The following ANK3 variants were observed in gnomAD, a reference collection of about 807,000 sequenced individuals.
The protein encoded by ANK3 is ankyrin-3.
A neutral mutation model predicts 370.9 loss-of-function variants in ANK3; 57 were observed. That is an observed-to-expected ratio of 0.15 (90% CI 0.12 to 0.19). The LOEUF (loss-of-function observed/expected upper bound fraction) is 0.19, where lower values mean the gene tolerates loss of function less well. Ranked by LOEUF, ANK3 falls within the 10% of genes least tolerant of loss-of-function variation. The pLI, the probability that ANK3 is intolerant of heterozygous loss-of-function variation, is 1.00. For missense variants in ANK3, 4,439 were observed against 5,302.1 expected, an observed-to-expected ratio of 0.84 and a Z score of 5.06; for synonymous variants, 1,929 against 1,946.3, an observed-to-expected ratio of 0.99 and a Z score of 0.23.
At chr10:60,405,167 A>C (rs2063427947) in intron 2 of ANK3, among the ~76,000 whole-genome samples, 1 of 152,170 alleles carries the variant, frequency 6.6e-6, no homozygotes, top group African/African-American at 2.4e-5. Flanking sequence ...TAGCAATTCC[A>C]CATCTAGATG....
intron 2 of ANK3, among the ~76,000 whole-genome samples, chr10:60,395,344 A>T (rs1416446048): frequency 6.6e-6 from 1 of 152,208 alleles, no homozygotes; most frequent in African/African-American, 2.4e-5. Flanking sequence ...AATTAATTTC[A>T]CTTTCTTAAA....
At chr10:60,292,279 T>G (rs1413639988) in intron 1 of ANK3, among the ~76,000 whole-genome samples, 3 of 152,166 alleles carry the variant, frequency 2.0e-5, no homozygotes, top group African/African-American at 7.2e-5. Context: ...CAGACTATTT[T>G]GAAACCTCCT....
intron 2 of ANK3, among the ~76,000 whole-genome samples, chr10:60,482,237 T>C (rs1009152122): frequency 6.6e-6 from 1 of 152,190 alleles, no homozygotes; most frequent in Non-Finnish European, 1.5e-5. Context: ...GCATTGGACC[T>C]GAAGCATCTG....
intron 4 of ANK3, among the ~76,000 whole-genome samples, chr10:60,278,527 T>A (rs543853451): frequency 6.6e-6 from 1 of 152,148 alleles, no homozygotes; most frequent in African/African-American, 2.4e-5. Context: ...GACACCATGA[T>A]GCCAGGCTAA....
At chr10:60,127,243 G>A (rs2093809812) in intron 25 of ANK3, among the ~76,000 whole-genome samples, 1 of 152,186 alleles carries the variant, frequency 6.6e-6, no homozygotes. Context: ...CTGTAATCCA[G>A]GAGATAGGAA....
At chr10:60,175,553 G>T (rs1158131572) in intron 18 of ANK3, among the ~76,000 whole-genome samples, 1 of 152,198 alleles carries the variant, frequency 6.6e-6, no homozygotes, top group Non-Finnish European at 1.5e-5. Context: ...AGCTGATTAG[G>T]TTTTTCCTTC....
chr10:60,537,025 G>C (rs1421129140), intron 2 of ANK3, among the ~76,000 whole-genome samples: 2 of 151,936 alleles, frequency 1.3e-5, no homozygotes, highest in African/African-American at 4.8e-5. Flanking sequence ...CCAACAGCCA[G>C]AAATTGCTAC....
At chr10:60,499,632 C>T (rs1323564310) in intron 2 of ANK3, among the ~76,000 whole-genome samples, 1 of 152,188 alleles carries the variant, frequency 6.6e-6, no homozygotes, top group Non-Finnish European at 1.5e-5. Flanking sequence ...ATGGGTGCAT[C>T]TTCCCATTCC....
At chr10:60,295,342 A>C (rs1316356833) in intron 1 of ANK3, among the ~76,000 whole-genome samples, 1 of 152,228 alleles carries the variant, frequency 6.6e-6, no homozygotes, top group African/African-American at 2.4e-5. Context: ...ATTAGCAGTA[A>C]AATTTAACTC....
chr10:60,266,090 C>T (rs2097873512), intron 5 of ANK3, among the ~76,000 whole-genome samples: 1 of 151,992 alleles, frequency 6.6e-6, no homozygotes, highest in Non-Finnish European at 1.5e-5. Context: ...AATAACATAA[C>T]CAAAACAACT....
At position 60,081,788 on chromosome 10, in the gene ANK3, T is replaced by C. The variant is rs940231407; in HGVS notation, c.4350+362A>G. ...TATCTCAGTTGACTGTTCTCGTCAG[T>C]CATAGATAGAACTTCCTGGTCCTAC... On this transcript the variant is annotated intron_variant, in intron 35 of 43. Transcript: ENST00000280772. The C allele has an allele frequency of 6.9e-5, 17 of 244,714 alleles. 1 individual carries two copies. The South Asian group carries it at 8.2e-4, about 12-fold the overall frequency. The allele number at this position is 244,714 out of a possible 1,614,324, so 15.2% of individuals were successfully genotyped here.
chr10:60,162,280 C>T (rs546879216), intron 23 of ANK3, among the ~76,000 whole-genome samples: 1 of 152,256 alleles, frequency 6.6e-6, no homozygotes, highest in East Asian at 1.9e-4. Context: ...TCTCTACTCC[C>T]AGTGCTTTAC....
At chr10:60,598,174 T>C (rs1340998178) in intron 2 of ANK3, among the ~76,000 whole-genome samples, 1 of 152,164 alleles carries the variant, frequency 6.6e-6, no homozygotes. Flanking sequence ...TAGCAGAAAC[T>C]AAGTTAGCTG....
At chr10:60,447,158 G>C (rs936352538) in intron 2 of ANK3, among the ~76,000 whole-genome samples, 9 of 152,180 alleles carry the variant, frequency 5.9e-5, no homozygotes, top group African/African-American at 2.2e-4. Flanking sequence ...TCAGGGAAGG[G>C]GGTGACTTGT....
chr10:60,280,841 C>G (rs994929435), intron 1 of ANK3, among the ~76,000 whole-genome samples: 5 of 152,186 alleles, frequency 3.3e-5, no homozygotes, highest in African/African-American at 4.8e-5. Context: ...CCCAGACCCC[C>G]CAGGTGGAGT....
chr10:60,649,417 A>T (rs1188193432), intron 1 of ANK3, among the ~76,000 whole-genome samples: 1 of 152,206 alleles, frequency 6.6e-6, no homozygotes, highest in African/African-American at 2.4e-5. Flanking sequence ...TAATATGTTT[A>T]TGGGAACAGT....
intron 6 of ANK3, 39 bp from the exon 7 acceptor site, chr10:60,261,996 C>T (rs1160220845): frequency 1.3e-6 from 2 of 1,543,354 alleles, no homozygotes; most frequent in Admixed American, 1.7e-5. Flanking sequence ...TTGATTCCTG[C>T]CAGCCCCCTG....
At chr10:60,088,677 G>A (rs538157923) in intron 28 of ANK3, among the ~76,000 whole-genome samples, 12 of 152,174 alleles carry the variant, frequency 7.9e-5, no homozygotes, top group African/African-American at 2.6e-4. Context: ...TGCCCGCCTC[G>A]ACCTCCCAAG....
At chr10:60,451,093 G>A (rs1015522732) in intron 2 of ANK3, among the ~76,000 whole-genome samples, 4 of 152,202 alleles carry the variant, frequency 2.6e-5, no homozygotes, top group Non-Finnish European at 5.9e-5. Flanking sequence ...GGCACGGGAG[G>A]AAGGTGAAGG....
Sources: allele counts gnomAD v4.1 joint callset (sites outside exome capture counted in the v4.1 genomes callset), GRCh38; gene constraint gnomAD v4.1.1; transcripts MANE v1.5; gene names NCBI Gene and HGNC (gene_info 2026-07-23, HGNC 2026-07-21).